The following ATG10 variants were observed in gnomAD, a reference collection of about 807,000 sequenced individuals.
ATG10 encodes ubiquitin-like-conjugating enzyme ATG10.
ATG10 carries 30 observed loss-of-function variants against 32.1 expected under a neutral mutation model. That is an observed-to-expected ratio of 0.94 (90% CI 0.70 to 1.27). ATG10 has a LOEUF of 1.27. Ranked by LOEUF, ATG10 falls within the 50% of genes most tolerant of loss-of-function variation. The pLI is 0.00. For synonymous variants in ATG10, 87 were observed against 91.5 expected (o/e 0.95, Z 0.28); for missense variants, 233 against 262.3 (o/e 0.89, Z 0.77).
intron 5 of ATG10, among the ~76,000 whole-genome samples, chr5:82,189,998 C>T (rs953679824): frequency 3.9e-5 from 6 of 152,170 alleles, no homozygotes; most frequent in Non-Finnish European, 7.3e-5. Context: ...TCCCTATTTC[C>T]TCCTACTGTC....
chr5:82,120,661 T>G (rs1402429200), intron 3 of ATG10, among the ~76,000 whole-genome samples: 1 of 151,020 alleles, frequency 6.6e-6, no homozygotes, highest in African/African-American at 2.4e-5. Context: ...TTTTTTCTGT[T>G]TTTTTTTTAA....
intron 5 of ATG10, among the ~76,000 whole-genome samples, chr5:82,181,676 A>G (rs1744243747): frequency 6.6e-6 from 1 of 152,132 alleles, no homozygotes; most frequent in South Asian, 2.1e-4. Flanking sequence ...TGATAATAAT[A>G]TGCTGTCCTC....
chr5:82,043,161 C>T (rs1209237615), intron 2 of ATG10, among the ~76,000 whole-genome samples: 1 of 152,200 alleles, frequency 6.6e-6, no homozygotes, highest in Non-Finnish European at 1.5e-5. Context: ...GTTCCCAAAC[C>T]TCAATTCTTG....
intron 2 of ATG10, among the ~76,000 whole-genome samples, chr5:82,032,145 A>G (rs138659350): frequency 6.6e-6 from 1 of 152,312 alleles, no homozygotes; most frequent in African/African-American, 2.4e-5. Flanking sequence ...TGACAAATAT[A>G]TGCTGTTTGC....
intron 3 of ATG10, among the ~76,000 whole-genome samples, chr5:82,074,462 G>A (rs1170012728): frequency 6.6e-6 from 1 of 151,732 alleles, no homozygotes; most frequent in African/African-American, 2.4e-5. Flanking sequence ...TTTAATTTTG[G>A]ACTTTTTTTG....
chr5:82,197,311 A>G (rs562459133), intron 5 of ATG10, among the ~76,000 whole-genome samples: 44 of 152,264 alleles, frequency 2.9e-4, no homozygotes, highest in African/African-American at 8.7e-4. Flanking sequence ...AAGATTTTCT[A>G]TATAAAAGAT....
intron 3 of ATG10, among the ~76,000 whole-genome samples, chr5:82,140,708 C>T (rs1312347919): frequency 5.7e-5 from 2 of 34,848 alleles, no homozygotes; most frequent in African/African-American, 9.9e-5. Context: ...CGGCCACCAC[C>T]CCGTCTGGGA....
intron 5 of ATG10, among the ~76,000 whole-genome samples, chr5:82,215,516 T>A (rs554037389): frequency 4.5e-4 from 69 of 152,326 alleles, no homozygotes; most frequent in African/African-American, 1.7e-3. Flanking sequence ...AAGAAAAAAT[T>A]AATTTTTATA....
intron 2 of ATG10, among the ~76,000 whole-genome samples, chr5:82,012,493 A>T (rs1762155232): frequency 6.6e-6 from 1 of 152,100 alleles, no homozygotes. Flanking sequence ...TCTATGCATC[A>T]CTTAACTTCA....
At chr5:82,122,493 A>T (rs771582030) in intron 3 of ATG10, among the ~76,000 whole-genome samples, 1 of 152,188 alleles carries the variant, frequency 6.6e-6, no homozygotes. Flanking sequence ...AATTGCAACA[A>T]AAGCAAGACA....
At chr5:81,986,316 AG>A (rs1761271004) in intron 1 of ATG10, among the ~76,000 whole-genome samples, 1 of 152,250 alleles carries the variant, frequency 6.6e-6, no homozygotes, top group African/African-American at 2.4e-5. Context: ...CTTCGTGATC[AG>A]CATGCTGTAG....
At chr5:82,191,539 T>C (rs559218461) in intron 5 of ATG10, among the ~76,000 whole-genome samples, 1 of 152,290 alleles carries the variant, frequency 6.6e-6, no homozygotes, top group South Asian at 2.1e-4. Flanking sequence ...CTCCACACTT[T>C]AGAGAAGGGG....
At chr5:82,223,972 A>T (rs1359812799) in intron 5 of ATG10, among the ~76,000 whole-genome samples, 1 of 152,234 alleles carries the variant, frequency 6.6e-6, no homozygotes, top group Non-Finnish European at 1.5e-5. Context: ...CAGAACAAGA[A>T]TATAAAATGC....
At chr5:82,121,696 C>T in intron 3 of ATG10, among the ~76,000 whole-genome samples, 1 of 152,028 alleles carries the variant, frequency 6.6e-6, no homozygotes, top group Non-Finnish European at 1.5e-5. Flanking sequence ...TTAGCAAAAG[C>T]CTTTTCTGCA....
rs1747424232 is a variant in ATG10 at position 82,255,299 on chromosome 5, A to C, written c.*1236A>C. ...GTAAAGTATTATACGAATATTCATT[A>C]AATGCTCACCTTTCTTGTATATAAT... On this transcript the variant is annotated 3_prime_UTR_variant, in exon 8 of 8. Coordinates refer to ENST00000282185, the MANE Select transcript of ATG10 (RefSeq NM_031482.5). 1 of 152,228 alleles carries C rather than the reference A, an allele frequency of 6.6e-6. No individual in the cohort carries two copies. The highest frequency in any genetic ancestry group is 2.4e-5 in the African/African-American group (1 of 41,450). 9.4% of individuals were successfully genotyped at this position (152,228 alleles called of 1,614,324 possible). A position where few individuals can be genotyped will look rare whatever the true frequency, so the allele number is the denominator to read the frequency against.
chr5:82,123,045 GA>G (rs1345051605), intron 3 of ATG10, among the ~76,000 whole-genome samples: 2 of 152,160 alleles, frequency 1.3e-5, no homozygotes, highest in African/African-American at 4.8e-5. Context: ...CTACTATAAA[GA>G]AACATGCATG....
At chr5:82,159,655 C>T (rs960975209) in intron 3 of ATG10, among the ~76,000 whole-genome samples, 2 of 152,072 alleles carry the variant, frequency 1.3e-5, no homozygotes, top group Non-Finnish European at 2.9e-5. Context: ...ATCACCACTC[C>T]ATGCCAGTCA....
chr5:82,142,540 G>A (rs1767194114), intron 3 of ATG10, among the ~76,000 whole-genome samples: 1 of 152,156 alleles, frequency 6.6e-6, no homozygotes, highest in African/African-American at 2.4e-5. Flanking sequence ...TGGAAGATAA[G>A]GGTGCACATA....
intron 2 of ATG10, among the ~76,000 whole-genome samples, chr5:82,022,548 C>T (rs1762472541): frequency 6.6e-6 from 1 of 151,294 alleles, no homozygotes; most frequent in Admixed American, 6.6e-5. Flanking sequence ...CTGGTCAGCT[C>T]CTGACATGAG....
Sources: gnomAD v4.1 joint callset for allele counts (sites outside exome capture counted in the v4.1 genomes callset) on GRCh38, gnomAD v4.1.1 for gene constraint, MANE v1.5 for transcripts, NCBI Gene and HGNC (gene_info 2026-07-23, HGNC 2026-07-21) for gene names.